Variants in SMARCA1 observed in about 807,000 individuals in gnomAD.
SMARCA1 encodes SNF2 related chromatin remodeling ATPase 1, also known as SWI/SNF-related matrix-associated actin-dependent regulator of chromatin subfamily A member 1.
In SMARCA1, 17 loss-of-function variants were observed where a neutral mutation model predicts 93.6. The ratio of observed to expected loss-of-function variants is 0.18; its 90% CI spans 0.12 to 0.27. SMARCA1 has a LOEUF of 0.27. Ranked by LOEUF, SMARCA1 falls within the 10% of genes least tolerant of loss-of-function variation. The probability of loss-of-function intolerance (pLI) is 1.00; values close to 1 mark genes in which losing one functional copy is unlikely to be tolerated. For synonymous variants in SMARCA1, 271 were observed against 271.4 expected, an observed-to-expected ratio of 1.00 and a Z score of 0.01; for missense variants, 630 against 819.0, an observed-to-expected ratio of 0.77 and a Z score of 2.82.
chrX:129,475,235 T>C (rs916922383), intron 19 of SMARCA1, among the ~76,000 whole-genome samples: 3 of 110,055 alleles, frequency 2.7e-5, no homozygotes, highest in Non-Finnish European at 3.8e-5. Context: ...ATTAAGCAGA[T>C]AGGCCAGGCA....
chrX:129,490,096 T>A lies in SMARCA1; in HGVS notation c.1912A>T (p.Ile638Leu), dbSNP rs751918936. 2 of 1,191,680 alleles carry A rather than the reference T, an allele frequency of 1.7e-6. No individual in the cohort carries two copies. The highest frequency in any genetic ancestry group is 3.0e-5 in the East Asian group (1 of 33,691). ...VEERIVERAE[I>L]KLRLDSIVIQ... ...ACAATTGAATCGAGTCTCAGTTTTA[T>A]CTCAGCTCTTTCTACAATCCTCTCT... Residue 638 changes from isoleucine (I) to leucine (L), a missense_variant, in exon 15 of 25, where the codon ATA (isoleucine) becomes TTA (leucine). Physicochemically the swap from Ile to Leu is conservative, Grantham distance 5. Around this residue, in one of 4 missense-constraint regions of SMARCA1, gnomAD observed 382 missense variants for 537.9 expected, o/e 0.71. Coordinates refer to ENST00000371121, the MANE Select transcript of SMARCA1 (RefSeq NM_001282874.2).
chrX:129,478,882 C>T (rs1933512873), intron 19 of SMARCA1, among the ~76,000 whole-genome samples: 1 of 111,828 alleles, frequency 8.9e-6, no homozygotes, highest in Admixed American at 9.5e-5. Flanking sequence ...GGTTACATCG[C>T]ATGCAGAAAG....
intron 9 of SMARCA1, among the ~76,000 whole-genome samples, chrX:129,500,214 C>T (rs1411703510): frequency 1.8e-5 from 2 of 111,844 alleles, no homozygotes; most frequent in African/African-American, 6.5e-5. Context: ...GTCACCCAGG[C>T]TGGAGTGCAA....
Position 129,447,158 on chromosome X carries a change from G to A in SMARCA1, c.*4C>T. 1 of 1,143,208 alleles carries A rather than the reference G, an allele frequency of 8.7e-7. No homozygotes were observed. The highest frequency in any genetic ancestry group is 1.2e-6 in the Non-Finnish European group (1 of 865,203). The allele number at this position is 1,143,208 out of a possible 1,213,427, so 94.2% of individuals were successfully genotyped here. ...TTTCCCATTTAAAACTTTATTTCTA[G>A]GCTTTAGGATTTCACCTTCTTGACA... On this transcript the variant is annotated 3_prime_UTR_variant, in exon 25 of 25. Coordinates refer to ENST00000371121, the MANE Select transcript of SMARCA1 (RefSeq NM_001282874.2).
In SMARCA1 at chrX:129,467,734, T is replaced by G. The variant is rs559907475; in HGVS notation, c.2698+1039A>C. Among the ~76,000 whole-genome samples the G allele has an allele frequency of 9.9e-5, 11 of 111,137 alleles. No homozygotes were observed. In the South Asian group the frequency reaches 4.2e-3, roughly 43 times the overall value. ...ATAAATTAAAAGCTGTTCCTAGCTATTATTAATCTTTAGTATATTTATTGG... is the reference window on the plus strand; with the variant it reads ...ATAAATTAAAAGCTGTTCCTAGCTAGTATTAATCTTTAGTATATTTATTGG... On this transcript the variant is annotated intron_variant, in intron 21 of 24. Coordinates refer to ENST00000371121, the MANE Select transcript of SMARCA1 (RefSeq NM_001282874.2).
chrX:129,481,960 A>C (rs1933683616), intron 17 of SMARCA1, among the ~76,000 whole-genome samples: 1 of 104,158 alleles, frequency 9.6e-6, no homozygotes, highest in Admixed American at 1.1e-4. Flanking sequence ...GACTGGATTA[A>C]GAAAATGTGG....
At chrX:129,507,893 C>A (rs1477501588) in intron 7 of SMARCA1, 48 bp downstream of exon 7, 2 of 887,678 alleles carry the variant, frequency 2.3e-6, no homozygotes, top group Non-Finnish European at 3.1e-6. Flanking sequence ...GTGAACAAAC[C>A]AACCTGGTAA....
rs747104671 is a variant in SMARCA1, at chrX:129,522,393, C to G, written c.174+804G>C. Among the ~76,000 whole-genome samples the G allele has an allele frequency of 3.4e-3, 368 of 109,100 alleles. 1 individual carries two copies. The highest frequency in any genetic ancestry group is 0.012 in the African/African-American group (355 of 30,104). 94.7% of individuals were successfully genotyped at this position (109,100 alleles called of 115,157 possible). The stretch of plus-strand genomic sequence containing the variant: ...GAGAGGGAGGCGGAAGCCTGGAAAG[C>G]TTGGGGCCGGATTGAGGGACCATTG... On this transcript the variant is annotated intron_variant, in intron 1 of 24. Coordinates refer to ENST00000371121, the MANE Select transcript of SMARCA1 (RefSeq NM_001282874.2).
chrX:129,486,716 G>A (rs1254610100), intron 17 of SMARCA1, among the ~76,000 whole-genome samples: 1 of 110,454 alleles, frequency 9.1e-6, no homozygotes, highest in Non-Finnish European at 1.9e-5. Flanking sequence ...CCAGAATTCA[G>A]GAATTCAACC....
chrX:129,474,983 A>G (rs1836847467), intron 19 of SMARCA1, among the ~76,000 whole-genome samples: 1 of 110,630 alleles, frequency 9.0e-6, no homozygotes, highest in South Asian at 3.9e-4. Flanking sequence ...CTTGCCTTCC[A>G]CCATGATTGT....
intron 13 of SMARCA1, among the ~76,000 whole-genome samples, chrX:129,492,380 A>T (rs944851105): frequency 6.3e-5 from 7 of 111,956 alleles, no homozygotes; most frequent in African/African-American, 2.3e-4. Context: ...GAACAATTAC[A>T]TACACAAATT....
intron 15 of SMARCA1, 36 bp downstream of exon 15, chrX:129,490,024 C>CA: frequency 5.6e-6 from 6 of 1,062,462 alleles, no homozygotes; most frequent in Non-Finnish European, 7.7e-6. Context: ...ATGTGTTTTA[C>CA]AAAAAACACC....
intron 21 of SMARCA1, among the ~76,000 whole-genome samples, chrX:129,466,825 AC>A (rs1441327274): frequency 1.0e-5 from 1 of 98,080 alleles, no homozygotes; most frequent in Admixed American, 1.1e-4. Flanking sequence ...TACTTGGAAT[AC>A]CCTTTTCTCA....
At chrX:129,475,180 T>A (rs940709740) in intron 19 of SMARCA1, among the ~76,000 whole-genome samples, 1 of 109,088 alleles carries the variant, frequency 9.2e-6, no homozygotes, top group African/African-American at 3.3e-5. Context: ...GAGGTTCGTA[T>A]CAGCATTAAG....
At chrX:129,477,752 G>C (rs1419781421) in intron 19 of SMARCA1, among the ~76,000 whole-genome samples, 1 of 110,991 alleles carries the variant, frequency 9.0e-6, no homozygotes, top group Non-Finnish European at 1.9e-5. Flanking sequence ...ACACATGTAA[G>C]GACTAAGTAT....
chrX:129,511,891 C>T lies in SMARCA1; in HGVS notation c.723G>A (p.Lys241=), dbSNP rs1316139447. 8.3e-7 allele frequency: 1 copy of T among 1,201,348 alleles called. No homozygotes were observed. Among genetic ancestry groups the T allele is most frequent in the Non-Finnish European group, 1.1e-6 (1 of 887,717 alleles). The change falls in exon 6 of 25, where the codon AAG becomes AAA. Residue 241 remains lysine (K), a synonymous_variant. Coordinates refer to ENST00000371121, the MANE Select transcript of SMARCA1 (RefSeq NM_001282874.2). ...IPGPHMVLVP[K]STLHNWMNEF... is the part of the protein sequence containing the mutation. ...CATTCATCCAGTTGTGTAAAGTAGA[C>T]TTTGGAACTAAAACCATGTGAGGTC...
At chrX:129,458,067 T>C (rs1239361256) in intron 23 of SMARCA1, among the ~76,000 whole-genome samples, 1 of 112,255 alleles carries the variant, frequency 8.9e-6, no homozygotes, top group Non-Finnish European at 1.9e-5. Context: ...ATAGCAAATA[T>C]TTTTGACTTT....
At chrX:129,455,139 T>C (rs749902970) in intron 23 of SMARCA1, among the ~76,000 whole-genome samples, 2 of 111,713 alleles carry the variant, frequency 1.8e-5, no homozygotes, top group East Asian at 5.6e-4. Flanking sequence ...CATTCTACTC[T>C]AAAGACACAT....
chrX:129,450,360 G>C (rs775802897), intron 23 of SMARCA1, among the ~76,000 whole-genome samples: 1 of 112,019 alleles, frequency 8.9e-6, no homozygotes, highest in South Asian at 3.8e-4. Context: ...CTGGCACCTT[G>C]ATCTTGAACT....
Sources: allele counts gnomAD v4.1 joint callset (sites outside exome capture counted in the v4.1 genomes callset), GRCh38; gene constraint gnomAD v4.1.1; regional missense constraint gnomAD v4.1.1; transcripts MANE v1.5; gene names NCBI Gene and HGNC (gene_info 2026-07-23, HGNC 2026-07-21).